NCKAP5: variants seen among roughly 807,000 people sequenced by gnomAD.
NCKAP5 encodes the protein nck-associated protein 5.
Under a neutral mutation model 167.0 loss-of-function variants are expected in NCKAP5, and 92 were observed. The observed-to-expected ratio is 0.55, with a 90% CI of 0.47 to 0.66. The LOEUF is 0.66. NCKAP5 is among the 30% of genes least tolerant of loss of function. The pLI, the probability that NCKAP5 is intolerant of heterozygous loss-of-function variation, is 0.00. For synonymous variants in NCKAP5, 891 were observed against 877.4 expected, an observed-to-expected ratio of 1.02 and a Z score of -0.27; for missense variants, 2,378 against 2,315.0, an observed-to-expected ratio of 1.03 and a Z score of -0.56.
intron 6 of NCKAP5, among the ~76,000 whole-genome samples, chr2:133,121,492 C>A (rs2082249626): frequency 6.6e-6 from 1 of 152,228 alleles, no homozygotes; most frequent in African/African-American, 2.4e-5. Flanking sequence ...CTTGACCTAG[C>A]GTTGGTTACA....
chr2:133,548,811 C>T (rs1001029182), intron 2 of NCKAP5, among the ~76,000 whole-genome samples: 3 of 152,042 alleles, frequency 2.0e-5, no homozygotes, highest in African/African-American at 7.2e-5. Context: ...TAGGAAGAAA[C>T]TACATCAACT....
intron 16 of NCKAP5, among the ~76,000 whole-genome samples, chr2:132,736,518 T>C (rs1435750602): frequency 1.3e-5 from 2 of 152,140 alleles, no homozygotes; most frequent in East Asian, 1.9e-4. Context: ...CGGTGGCTCA[T>C]GCCTGTAATC....
rs190165742 is a variant in NCKAP5 at position 132,780,751 on chromosome 2, T to G, written c.5049+301A>C. ...CAAATTTCCAGCCCAGTGGTGTAATTTGAAGATGATACCAGTAGCATCATT... is the reference window on the plus strand; with the variant it reads ...CAAATTTCCAGCCCAGTGGTGTAATGTGAAGATGATACCAGTAGCATCATT... On this transcript the variant is annotated intron_variant, in intron 15 of 19. Coordinates refer to ENST00000409261, the MANE Select transcript of NCKAP5 (RefSeq NM_207363.3). Among the ~76,000 whole-genome samples the G allele has an allele frequency of 6.4e-4, 97 of 152,306 alleles. 1 individual carries two copies. In the Middle Eastern group the frequency reaches 0.017, roughly 27 times the overall value.
the NCKAP5 span, among the ~76,000 whole-genome samples, chr2:133,644,487 G>T: frequency 6.6e-6 from 1 of 152,012 alleles, no homozygotes; most frequent in Admixed American, 6.6e-5. Context: ...CCAAACCTTT[G>T]TCCAGACAGT....
At chr2:133,493,234 G>A (rs11695605) in intron 3 of NCKAP5, among the ~76,000 whole-genome samples, 53,448 of 152,034 alleles carry the variant, frequency 0.35, 9,733 homozygotes, top group Non-Finnish European at 0.4. Flanking sequence ...ACTTCAGTGT[G>A]TTTTAGAGAG....
intron 4 of NCKAP5, among the ~76,000 whole-genome samples, chr2:133,230,360 T>C (rs2087087880): frequency 6.6e-6 from 1 of 152,208 alleles, no homozygotes; most frequent in Admixed American, 6.5e-5. Context: ...CCTTCTAGCG[T>C]TGCTGTGGGC....
chr2:133,419,830 A>G (rs1449456658), intron 3 of NCKAP5, among the ~76,000 whole-genome samples: 1 of 152,250 alleles, frequency 6.6e-6, no homozygotes, highest in African/African-American at 2.4e-5. Context: ...TAATGACCAC[A>G]TGCATATATG....
At chr2:133,386,797 T>A (rs946278434) in intron 3 of NCKAP5, among the ~76,000 whole-genome samples, 2 of 152,242 alleles carry the variant, frequency 1.3e-5, no homozygotes, top group African/African-American at 4.8e-5. Context: ...TTTACCATTA[T>A]GTAATGGCCT....
rs578190507 is a variant in NCKAP5 at position 133,474,826 on chromosome 2, T to G, written c.69+42632A>C. Among the ~76,000 whole-genome samples, 25 of 152,250 alleles carry G rather than the reference T, an allele frequency of 1.6e-4. 1 individual carries two copies. In the South Asian group the frequency reaches 4.6e-3, roughly 28 times the overall value. Reference sequence around the variant, plus strand: ...TTTTTTTTTTGTTGTTGTTGTTGTTTTTGAGACACAGTCTTGCTCTGTTGC... The same window carrying G: ...TTTTTTTTTTGTTGTTGTTGTTGTTGTTGAGACACAGTCTTGCTCTGTTGC... On this transcript the variant is annotated intron_variant, in intron 3 of 19. Transcript: ENST00000409261.
At chr2:133,092,816 A>G (rs979750469) in intron 6 of NCKAP5, among the ~76,000 whole-genome samples, 4 of 152,164 alleles carry the variant, frequency 2.6e-5, no homozygotes, top group African/African-American at 9.6e-5. Context: ...TAGTAACACC[A>G]TTCCTTTCAA....
chr2:133,499,976 G>A (rs1201151503), intron 3 of NCKAP5, among the ~76,000 whole-genome samples: 8 of 152,130 alleles, frequency 5.3e-5, no homozygotes, highest in African/African-American at 1.9e-4. Flanking sequence ...ATTTAGAAGA[G>A]CAAGCACTGT....
intron 8 of NCKAP5, among the ~76,000 whole-genome samples, chr2:132,928,267 A>G: frequency 6.6e-6 from 1 of 152,224 alleles, no homozygotes; most frequent in East Asian, 1.9e-4. Context: ...TAAATGAATT[A>G]TTCCTGAAGC....
At chr2:133,441,121 CAG>C (rs765609939) in intron 3 of NCKAP5, among the ~76,000 whole-genome samples, 29 of 138,084 alleles carry the variant, frequency 2.1e-4, no homozygotes, top group African/African-American at 7.6e-4. Flanking sequence ...CACACACACA[CAG>C]AGCAGCAGCA....
intron 16 of NCKAP5, among the ~76,000 whole-genome samples, chr2:132,761,031 T>G (rs564470369): frequency 6.6e-6 from 1 of 151,710 alleles, no homozygotes; most frequent in Non-Finnish European, 1.5e-5. Context: ...AGAGGAAACA[T>G]TTTCCTCCTC....
At chr2:133,465,835 C>A (rs200043616) in intron 3 of NCKAP5, among the ~76,000 whole-genome samples, 19 of 143,962 alleles carry the variant, frequency 1.3e-4, no homozygotes, top group African/African-American at 4.7e-4. Flanking sequence ...TCATGTCCTT[C>A]GCCCACTTTT....
intron 7 of NCKAP5, among the ~76,000 whole-genome samples, chr2:132,965,194 T>C (rs999837312): frequency 6.6e-6 from 1 of 152,202 alleles, no homozygotes; most frequent in Non-Finnish European, 1.5e-5. Context: ...TAGTTCTTTA[T>C]GAAATCAGGC....
At chr2:133,117,787 T>G (rs2082128644) in intron 6 of NCKAP5, 1 of 152,198 alleles carries the variant, frequency 6.6e-6, no homozygotes, top group African/African-American at 2.4e-5. Context: ...ACCGCTGGGC[T>G]TCAGGAAAAG....
chr2:133,434,504 C>A (rs1420108374), intron 3 of NCKAP5, among the ~76,000 whole-genome samples: 3 of 152,296 alleles, frequency 2.0e-5, no homozygotes, highest in Non-Finnish European at 2.9e-5. Flanking sequence ...TGGGATGAAC[C>A]ATTAAACTCT....
upstream of NCKAP5, among the ~76,000 whole-genome samples, chr2:133,571,545 T>C (rs540991285): frequency 6.6e-6 from 1 of 152,328 alleles, no homozygotes; most frequent in South Asian, 2.1e-4. Context: ...TGGGTGACAC[T>C]GTAACAGGCA....
Sources: allele counts gnomAD v4.1 joint callset (sites outside exome capture counted in the v4.1 genomes callset), GRCh38; gene constraint gnomAD v4.1.1; transcripts MANE v1.5; gene names NCBI Gene and HGNC (gene_info 2026-07-23, HGNC 2026-07-21).